The following PTGER2 variants were observed in gnomAD, a reference collection of about 807,000 sequenced individuals.
PTGER2 encodes the protein prostaglandin E2 receptor EP2 subtype.
In PTGER2, 22 loss-of-function variants were observed where a neutral mutation model predicts 26.2. That is an observed-to-expected ratio of 0.84 (90% confidence interval 0.60 to 1.20). PTGER2 has a LOEUF of 1.20. Among genes scored for constraint, PTGER2 ranks in the 50% most tolerant of loss-of-function variants. The pLI, the probability that PTGER2 is intolerant of heterozygous loss-of-function variation, is 0.00. For missense variants in PTGER2, 458 were observed against 475.2 expected (o/e 0.96, Z 0.34); for synonymous variants, 219 against 208.9 (o/e 1.05, Z -0.42).
At chr14:52,324,578 G>A (rs1254584) in intron 1 of PTGER2, among the ~76,000 whole-genome samples, 142,492 of 152,304 alleles carry the variant, frequency 0.94, 67,138 homozygotes, top group Non-Finnish European at 1. Context: ...AGATGTCAAA[G>A]CATAATATGC....
chr14:52,315,351 T>C lies in PTGER2; in HGVS notation c.803T>C (p.Ile268Thr). 2 of 1,613,318 alleles carry C rather than the reference T, an allele frequency of 1.2e-6. No homozygotes were observed. Among genetic ancestry groups the C allele is most frequent in the South Asian group, 2.2e-5 (2 of 91,038 alleles). The change falls in exon 1 of 2, where the codon ATC (isoleucine) becomes ACC (threonine). Residue 268 changes from isoleucine to threonine, a missense_variant. Physicochemically the swap from Ile to Thr is moderately conservative, Grantham distance 89. Transcript: ENST00000245457. ...ACGGACCACCTCATTCTCCTGGCTA[T>C]CATGACCATCACCTTCGCCGTCTGC... ...EETDHLILLA[I>T]MTITFAVCSL...
chr14:52,323,310 G>A (rs1210773179), intron 1 of PTGER2, among the ~76,000 whole-genome samples: 1 of 152,138 alleles, frequency 6.6e-6, no homozygotes, highest in African/African-American at 2.4e-5. Context: ...CTGAAATGCA[G>A]TGGTGTGATC....
chr14:52,316,631 T>A (rs1329165585), intron 1 of PTGER2, among the ~76,000 whole-genome samples: 1 of 152,196 alleles, frequency 6.6e-6, no homozygotes, highest in Non-Finnish European at 1.5e-5. Flanking sequence ...CCATTACTGC[T>A]TCTTACATCT....
At chr14:52,320,941 C>T (rs137866104) in intron 1 of PTGER2, among the ~76,000 whole-genome samples, 5 of 152,102 alleles carry the variant, frequency 3.3e-5, no homozygotes, top group Non-Finnish European at 7.3e-5. Context: ...TTTGCAAAAA[C>T]GTTTATATGA....
intron 1 of PTGER2, among the ~76,000 whole-genome samples, chr14:52,324,509 CTA>C (rs2033928853): frequency 6.6e-6 from 1 of 152,204 alleles, no homozygotes; most frequent in Non-Finnish European, 1.5e-5. Flanking sequence ...TAACTCTTTG[CTA>C]TCTCTACAAA....
intron 1 of PTGER2, among the ~76,000 whole-genome samples, chr14:52,326,944 C>G (rs955954290): frequency 1.3e-5 from 2 of 152,142 alleles, no homozygotes; most frequent in African/African-American, 4.8e-5. Context: ...TTTCTCTCCA[C>G]TCCCAATGAC....
rs1184710163 is a variant in PTGER2, at chr14:52,314,442, C to T, written c.-107C>T. Reference sequence around the variant, plus strand: ...CGGGAAGGGGGCTCTGGATTTCGGTCCCTCCCCTTTTTCCTCTGAGTCTCG... The same window carrying T: ...CGGGAAGGGGGCTCTGGATTTCGGTTCCTCCCCTTTTTCCTCTGAGTCTCG... On this transcript the variant is annotated 5_prime_UTR_variant, in exon 1 of 2. Coordinates refer to ENST00000245457, the MANE Select transcript of PTGER2 (RefSeq NM_000956.4). This position sits in a 1 kb window ranked among gnomAD's most constrained non-coding sequence, Gnocchi z 5.7. 7.2e-6 allele frequency: 9 copies of T among 1,248,534 alleles called. No individual in the cohort carries two copies. Among genetic ancestry groups the T allele is most frequent in the Non-Finnish European group, 2.1e-6 (2 of 968,944 alleles). 77.3% of individuals were successfully genotyped at this position (1,248,534 alleles called of 1,614,324 possible).
At chr14:52,321,784 G>T (rs1334145727) in intron 1 of PTGER2, among the ~76,000 whole-genome samples, 2 of 152,204 alleles carry the variant, frequency 1.3e-5, no homozygotes, top group African/African-American at 4.8e-5. Flanking sequence ...TTGGCACCAT[G>T]CCTAACACAC....
intron 1 of PTGER2, 53 bp downstream of exon 1, chr14:52,315,444 T>G (rs1332099455): frequency 6.3e-7 from 1 of 1,599,364 alleles, no homozygotes; most frequent in African/African-American, 1.3e-5. Context: ...CTTCTCATGC[T>G]CTCCCCTGAC....
intron 1 of PTGER2, among the ~76,000 whole-genome samples, chr14:52,318,652 C>T (rs1224158163): frequency 2.0e-5 from 3 of 152,248 alleles, no homozygotes; most frequent in African/African-American, 4.8e-5. Flanking sequence ...GTCTATTCCA[C>T]AGCACTCCAG....
At position 52,322,057 on chromosome 14, in the gene PTGER2, A is replaced by G. The variant is rs537751718; in HGVS notation, c.844-5164A>G. Among the ~76,000 whole-genome samples the G allele has an allele frequency of 3.9e-5, 6 of 152,348 alleles. No individual in the cohort carries two copies. The East Asian group carries it at 1.2e-3, about 29-fold the overall frequency. ...GAGCACTTTGCAAACCTTGATGCCCATGGCTCAGCCTAGACTAATTAAGTT... is the reference window on the plus strand; with the variant it reads ...GAGCACTTTGCAAACCTTGATGCCCGTGGCTCAGCCTAGACTAATTAAGTT... On this transcript the variant is annotated intron_variant, in intron 1 of 1. Coordinates refer to ENST00000245457, the MANE Select transcript of PTGER2 (RefSeq NM_000956.4).
chr14:52,322,028 C>T (rs1348239719), intron 1 of PTGER2, among the ~76,000 whole-genome samples: 1 of 152,220 alleles, frequency 6.6e-6, no homozygotes, highest in African/African-American at 2.4e-5. Flanking sequence ...ATTAAAATTA[C>T]TTGGAGCACT....
chr14:52,326,811 G>T (rs914975106), intron 1 of PTGER2, among the ~76,000 whole-genome samples: 3 of 152,096 alleles, frequency 2.0e-5, no homozygotes, highest in Non-Finnish European at 4.4e-5. Flanking sequence ...GAGATAAAGC[G>T]GGGTTAGTAC....
intron 1 of PTGER2, among the ~76,000 whole-genome samples, chr14:52,322,412 A>C (rs1362315876): frequency 3.3e-5 from 5 of 152,206 alleles, no homozygotes; most frequent in Non-Finnish European, 7.3e-5. Flanking sequence ...AACTCCTGAT[A>C]AGAGTCCAAC....
chr14:52,324,394 G>A (rs1030422206), intron 1 of PTGER2, among the ~76,000 whole-genome samples: 2 of 152,174 alleles, frequency 1.3e-5, no homozygotes, highest in Non-Finnish European at 2.9e-5. Flanking sequence ...TAGTTGCCTG[G>A]TACCTGGCAT....
Position 52,327,669 on chromosome 14 carries a change from A to T in PTGER2, c.*215A>T. 2.0e-6 allele frequency: 1 copy of T among 492,784 alleles called. No individual in the cohort carries two copies. Among genetic ancestry groups the T allele is most frequent in the Non-Finnish European group, 3.6e-6 (1 of 278,910 alleles). The allele number at this position is 492,784 out of a possible 1,614,324, so 30.5% of individuals were successfully genotyped here. Reference sequence around the variant, plus strand: ...GCTACAAAACCTACCCTCAGTGAGCATGGTACTTGGCCTTTGGAGGAACAA... The same window carrying T: ...GCTACAAAACCTACCCTCAGTGAGCTTGGTACTTGGCCTTTGGAGGAACAA... On this transcript the variant is annotated 3_prime_UTR_variant, in exon 2 of 2. Coordinates refer to ENST00000245457, the MANE Select transcript of PTGER2 (RefSeq NM_000956.4).
intron 1 of PTGER2, among the ~76,000 whole-genome samples, chr14:52,323,066 C>A (rs914016943): frequency 6.6e-6 from 1 of 152,094 alleles, no homozygotes. Context: ...GTAAGACAGG[C>A]GTAAGAAATT....
At chr14:52,324,504 C>G (rs1467366134) in intron 1 of PTGER2, among the ~76,000 whole-genome samples, 2 of 152,230 alleles carry the variant, frequency 1.3e-5, no homozygotes, top group African/African-American at 4.8e-5. Flanking sequence ...CAGCCTAACT[C>G]TTTGCTATCT....
Position 52,315,171 on chromosome 14 carries a change from T to C in PTGER2, c.623T>C (p.Ile208Thr). ...TACGCCACCCTGCTGCTGCTTCTCA[T>C]TGTCTCGGTGCTCGCCTGCAACTTC... ...QLYATLLLLLIVSVLACNFSV... is the reference protein window; with the variant it reads ...QLYATLLLLLTVSVLACNFSV... Residue 208 changes from isoleucine to threonine, a missense_variant, in exon 1 of 2, where the codon ATT becomes ACT. Ile to Thr is a moderately conservative substitution (Grantham distance 89). Transcript: ENST00000245457. The C allele has an allele frequency of 6.2e-7, 1 of 1,608,372 alleles. No homozygotes were observed. The highest frequency in any genetic ancestry group is 1.1e-5 in the South Asian group (1 of 91,074).
Sources: allele counts gnomAD v4.1 joint callset (sites outside exome capture counted in the v4.1 genomes callset), GRCh38; gene constraint gnomAD v4.1.1; non-coding constraint Gnocchi (gnomAD v3.1); transcripts MANE v1.5; gene names NCBI Gene and HGNC (gene_info 2026-07-23, HGNC 2026-07-21).